Variants in NACC2 observed in about 807,000 individuals in gnomAD.
The protein encoded by NACC2 is NACC family member 2, also known as nucleus accumbens-associated protein 2.
Under a neutral mutation model 25.1 loss-of-function variants are expected in NACC2, and 8 were observed. The observed-to-expected ratio is 0.32, with a 90% CI of 0.19 to 0.57. The LOEUF is 0.57. Among genes scored for constraint, NACC2 ranks in the 20% least tolerant of loss-of-function variants. The pLI, the probability that NACC2 is intolerant of heterozygous loss-of-function variation, is 0.89. For synonymous variants in NACC2, 435 were observed against 294.7 expected, an observed-to-expected ratio of 1.48 and a Z score of -4.88; for missense variants, 644 against 650.2, an observed-to-expected ratio of 0.99 and a Z score of 0.10.
chr9:136,071,011 C>A (rs1418252802), intron 1 of NACC2, among the ~76,000 whole-genome samples: 1 of 151,610 alleles, frequency 6.6e-6, no homozygotes, highest in Non-Finnish European at 1.5e-5. Flanking sequence ...AGGCGGATCT[C>A]TTGAGGTCAG....
At chr9:136,092,626 G>A (rs1396478314) in intron 1 of NACC2, among the ~76,000 whole-genome samples, 1 of 152,232 alleles carries the variant, frequency 6.6e-6, no homozygotes, top group Non-Finnish European at 1.5e-5. Context: ...ACAATGGGAG[G>A]CTGGTCAGCC....
At chr9:136,033,819 A>C (rs1320950377) in intron 2 of NACC2, among the ~76,000 whole-genome samples, 3 of 151,936 alleles carry the variant, frequency 2.0e-5, no homozygotes, top group Admixed American at 2.0e-4. Flanking sequence ...GGATTGGAAG[A>C]CCCAATACGG....
At chr9:136,046,823 C>A (rs1400832035) in intron 2 of NACC2, among the ~76,000 whole-genome samples, 2 of 152,206 alleles carry the variant, frequency 1.3e-5, no homozygotes, top group Non-Finnish European at 2.9e-5. Flanking sequence ...TGCCGTGAGG[C>A]CACACAGACC....
intron 2 of NACC2, among the ~76,000 whole-genome samples, chr9:136,041,884 A>G (rs1840638135): frequency 6.6e-6 from 1 of 152,244 alleles, no homozygotes; most frequent in African/African-American, 2.4e-5. Flanking sequence ...TATTGTTAAG[A>G]GGTCAGTTCT....
intron 1 of NACC2, among the ~76,000 whole-genome samples, chr9:136,068,060 T>C (rs1332507167): frequency 1.3e-5 from 2 of 151,798 alleles, no homozygotes; most frequent in East Asian, 1.9e-4. Flanking sequence ...AGGACACTTA[T>C]CATGAATGGA....
At chr9:136,050,975 A>C (rs1840823644) in intron 1 of NACC2, among the ~76,000 whole-genome samples, 1 of 152,106 alleles carries the variant, frequency 6.6e-6, no homozygotes, top group African/African-American at 2.4e-5. Flanking sequence ...TCCTCCCCTC[A>C]AAAAAGTTCC....
At chr9:136,066,086 G>T (rs955566929) in intron 1 of NACC2, among the ~76,000 whole-genome samples, 1 of 151,578 alleles carries the variant, frequency 6.6e-6, no homozygotes, top group African/African-American at 2.4e-5. Flanking sequence ...CCAGCTACTC[G>T]GGAGGCTGAA....
chr9:136,092,707 G>T (rs1830445426), intron 1 of NACC2, among the ~76,000 whole-genome samples: 1 of 152,234 alleles, frequency 6.6e-6, no homozygotes, highest in Admixed American at 6.5e-5. Flanking sequence ...GCAGAGTCAG[G>T]GGGCCCCATA....
chr9:136,040,988 GGAAAGGAAGGAAA>G (rs1456718042), intron 2 of NACC2, among the ~76,000 whole-genome samples: 4 of 25,542 alleles, frequency 1.6e-4, no homozygotes, highest in African/African-American at 4.1e-4. Context: ...AGAAAAGGAA[GGAAAGGAAGGAAA>G]GAAAGGAAGG....
intron 1 of NACC2, among the ~76,000 whole-genome samples, chr9:136,062,635 CT>C (rs887253894): frequency 3.9e-5 from 6 of 152,240 alleles, no homozygotes; most frequent in African/African-American, 1.2e-4. Flanking sequence ...ATTATACAGG[CT>C]GGGCACAGTG....
intron 1 of NACC2, among the ~76,000 whole-genome samples, chr9:136,078,653 G>C (rs1830289297): frequency 6.6e-6 from 1 of 152,188 alleles, no homozygotes; most frequent in African/African-American, 2.4e-5. Flanking sequence ...CCCGACATCG[G>C]GACAGAAAGG....
chr9:136,036,190 G>A (rs1276723322), intron 2 of NACC2, among the ~76,000 whole-genome samples: 2 of 152,132 alleles, frequency 1.3e-5, no homozygotes, highest in African/African-American at 4.8e-5. Flanking sequence ...ATTTAAATAG[G>A]CACTTCACAA....
rs1257602579 is a variant in NACC2, at chr9:136,020,123, G to A, written c.887-3694C>T. Among the ~76,000 whole-genome samples the A allele has an allele frequency of 1.1e-4, 16 of 152,122 alleles. No individual in the cohort carries two copies. Among genetic ancestry groups the A allele is most frequent in the Non-Finnish European group, 2.1e-4 (14 of 68,018 alleles). The stretch of plus-strand genomic sequence containing the variant: ...AATGCGCTTAGCATCACCGAACCAC[G>A]CACGTAAAAGTCACTGCAACGGCCC... On this transcript the variant is annotated intron_variant, in intron 2 of 5. Coordinates refer to ENST00000277554, the MANE Select transcript of NACC2 (RefSeq NM_144653.5). The surrounding 1 kb of genome is among the most constrained non-coding windows in gnomAD (Gnocchi z 4.7).
chr9:136,013,352 A>C lies in NACC2; in HGVS notation c.1158-56T>G. On this transcript the variant is annotated intron_variant, in intron 4 of 5. Transcript: ENST00000277554. The surrounding 1 kb of genome is among the most constrained non-coding windows in gnomAD (Gnocchi z 6.6). ...TGAGGATGATGGGGAGGGTACCTGG[A>C]GGCGACCCGCCCGCACGAATGCCCT... is the stretch of plus-strand genomic sequence containing the variant. 6.5e-7 allele frequency: 1 copy of C among 1,526,932 alleles called. No individual in the cohort carries two copies. The highest frequency in any genetic ancestry group is 9.0e-7 in the Non-Finnish European group (1 of 1,109,610). The allele number at this position is 1,526,932 out of a possible 1,614,324, so 94.6% of individuals were successfully genotyped here.
At position 136,053,862 on chromosome 9, in the gene NACC2, C is replaced by T. The variant is rs978338452; in HGVS notation, c.-59-3282G>A. On this transcript the variant is annotated intron_variant, in intron 1 of 5. Transcript: ENST00000277554. ...TTCCTGGGGGTCCCAAGTACCTGGG[C>T]TGGGTAGGGCAGCAGCCAGGGCTGA... 1.2e-3 allele frequency among the ~76,000 whole-genome samples: 182 copies of T among 152,258 alleles called. 1 individual carries two copies. The highest frequency in any genetic ancestry group is 4.2e-3 in the African/African-American group (173 of 41,502).
intron 1 of NACC2, among the ~76,000 whole-genome samples, chr9:136,057,884 G>A (rs899234131): frequency 2.6e-5 from 4 of 152,250 alleles, no homozygotes; most frequent in Non-Finnish European, 5.9e-5. Context: ...ATGGGAGGCG[G>A]TCTGGAGCGT....
chr9:136,024,026 C>T (rs1043637273), intron 2 of NACC2, among the ~76,000 whole-genome samples: 3 of 152,180 alleles, frequency 2.0e-5, no homozygotes, highest in Admixed American at 2.0e-4. Flanking sequence ...GCTGTGAGTT[C>T]CTCTGGGAGA....
chr9:136,070,741 C>T (rs1055206410), intron 1 of NACC2, among the ~76,000 whole-genome samples: 9 of 148,188 alleles, frequency 6.1e-5, no homozygotes, highest in Admixed American at 2.0e-4. Context: ...GAACATAAAT[C>T]AATAAAATTG....
At chr9:136,043,484 C>A (rs1341406651) in intron 2 of NACC2, among the ~76,000 whole-genome samples, 1 of 152,234 alleles carries the variant, frequency 6.6e-6, no homozygotes, top group Non-Finnish European at 1.5e-5. Flanking sequence ...GGCCGTGGGG[C>A]GCCTGCTGCT....
Sources: allele counts gnomAD v4.1 joint callset (sites outside exome capture counted in the v4.1 genomes callset), GRCh38; gene constraint gnomAD v4.1.1; non-coding constraint Gnocchi (gnomAD v3.1); transcripts MANE v1.5; gene names NCBI Gene and HGNC (gene_info 2026-07-23, HGNC 2026-07-21).